Variants in BCAT1 observed in about 807,000 individuals in gnomAD.
BCAT1 encodes branched chain amino acid transaminase 1.
BCAT1 carries 48 observed loss-of-function variants against 52.4 expected under a neutral mutation model. The ratio of observed to expected loss-of-function variants is 0.92; its 90% CI spans 0.73 to 1.16. The LOEUF (loss-of-function observed/expected upper bound fraction) is 1.16. Ranked by LOEUF, BCAT1 falls within the 50% of genes most tolerant of loss-of-function variation. The pLI is 0.00. For synonymous variants in BCAT1, 167 were observed against 161.3 expected (o/e 1.04, Z -0.27); for missense variants, 451 against 457.1 (o/e 0.99, Z 0.12).
intron 1 of BCAT1, chr12:24,903,120 C>T (rs1480765775): frequency 5.3e-6 from 7 of 1,323,210 alleles, no homozygotes; most frequent in African/African-American, 4.6e-5. Context: ...GACCTGGGGC[C>T]GCGCGCCAGG....
intron 1 of BCAT1, among the ~76,000 whole-genome samples, chr12:24,923,699 C>A (rs1371896761): frequency 6.6e-6 from 1 of 152,204 alleles, no homozygotes; most frequent in African/African-American, 2.4e-5. Context: ...CATAAGCCAC[C>A]ATGCCCGGCC....
At chr12:24,915,345 G>A (rs557184633) in intron 1 of BCAT1, among the ~76,000 whole-genome samples, 4 of 151,618 alleles carry the variant, frequency 2.6e-5, no homozygotes, top group African/African-American at 9.7e-5. Flanking sequence ...CAAAGATCAA[G>A]AAAAAAATTA....
chr12:24,891,069 G>A (rs892353012), intron 3 of BCAT1, among the ~76,000 whole-genome samples: 4 of 152,128 alleles, frequency 2.6e-5, no homozygotes, highest in Non-Finnish European at 5.9e-5. Flanking sequence ...AACTCGGTTG[G>A]AGAATTTTTC....
intron 3 of BCAT1, among the ~76,000 whole-genome samples, chr12:24,881,725 T>C (rs1942503940): frequency 1.3e-5 from 2 of 152,138 alleles, no homozygotes; most frequent in Admixed American, 6.5e-5. Context: ...ACATCTAGAA[T>C]CACACAGCAC....
intron 10 of BCAT1, among the ~76,000 whole-genome samples, chr12:24,820,207 A>G (rs1940057963): frequency 6.6e-6 from 1 of 152,220 alleles, no homozygotes; most frequent in Non-Finnish European, 1.5e-5. Context: ...AACCTGCATA[A>G]TATGCACTAA....
At chr12:24,878,730 A>T (rs989312036) in intron 4 of BCAT1, 81 bp from the exon 5 acceptor site, 21 of 1,294,024 alleles carry the variant, frequency 1.6e-5, no homozygotes, top group Non-Finnish European at 1.0e-6. Flanking sequence ...GAAGCATTTA[A>T]ACTGTTAAAA....
At chr12:24,869,973 C>T (rs911171342) in intron 5 of BCAT1, among the ~76,000 whole-genome samples, 1 of 151,540 alleles carries the variant, frequency 6.6e-6, no homozygotes, top group Non-Finnish European at 1.5e-5. Context: ...TGTACAAACA[C>T]ATGTAAGGGT....
At chr12:24,934,548 C>A (rs967157626) in intron 1 of BCAT1, among the ~76,000 whole-genome samples, 1 of 152,032 alleles carries the variant, frequency 6.6e-6, no homozygotes, top group Non-Finnish European at 1.5e-5. Context: ...GAAGAGGGTA[C>A]AAACTTTTCT....
intron 5 of BCAT1, among the ~76,000 whole-genome samples, chr12:24,864,696 G>A (rs1460401384): frequency 6.6e-6 from 1 of 152,074 alleles, no homozygotes; most frequent in African/African-American, 2.4e-5. Context: ...CCCATTCCAG[G>A]GAGGCGTCCA....
intron 5 of BCAT1, among the ~76,000 whole-genome samples, chr12:24,851,682 A>G (rs1941516098): frequency 6.6e-6 from 1 of 152,182 alleles, no homozygotes; most frequent in Admixed American, 6.5e-5. Flanking sequence ...TTTAACAGAG[A>G]CTGAAGATTA....
chr12:24,837,285 G>A (rs1185271421), intron 7 of BCAT1, among the ~76,000 whole-genome samples: 1 of 152,064 alleles, frequency 6.6e-6, no homozygotes, highest in African/African-American at 2.4e-5. Context: ...ATGAAAGGTG[G>A]TTACTAATTA....
intron 2 of BCAT1, among the ~76,000 whole-genome samples, chr12:24,894,895 G>C (rs1942925456): frequency 6.6e-6 from 1 of 152,208 alleles, no homozygotes; most frequent in South Asian, 2.1e-4. Context: ...ATTAAGTACT[G>C]AACTGCTATT....
intron 5 of BCAT1, among the ~76,000 whole-genome samples, chr12:24,863,494 C>T (rs965349075): frequency 1.3e-5 from 2 of 152,222 alleles, no homozygotes; most frequent in African/African-American, 4.8e-5. Context: ...CAAGAATTAT[C>T]ATGCCAGTTA....
chr12:24,823,324 T>A (rs1940227363), intron 10 of BCAT1, among the ~76,000 whole-genome samples: 1 of 152,178 alleles, frequency 6.6e-6, no homozygotes, highest in Non-Finnish European at 1.5e-5. Flanking sequence ...TTCTCACGTC[T>A]CAGTCTCCCA....
chr12:24,944,412 C>G (rs1591897678), intron 1 of BCAT1, among the ~76,000 whole-genome samples: 1 of 152,294 alleles, frequency 6.6e-6, no homozygotes, highest in Middle Eastern at 3.4e-3. Context: ...CACCCTTGGC[C>G]TCATCCCAGG....
chr12:24,820,895 C>T (rs1182869724), intron 10 of BCAT1, among the ~76,000 whole-genome samples: 5 of 152,110 alleles, frequency 3.3e-5, no homozygotes, highest in Admixed American at 6.6e-5. Context: ...AGTCACTCTA[C>T]GCAACGCCAA....
Position 24,811,760 on chromosome 12 carries a change from A to C in BCAT1, c.*6248T>G, listed in dbSNP as rs921582721. On this transcript the variant is annotated 3_prime_UTR_variant, in exon 11 of 11. Coordinates refer to ENST00000261192, the MANE Select transcript of BCAT1 (RefSeq NM_005504.7). ...AATTTCAAGAATCACTACACAGCTA[A>C]GATATCTGAGACTTGCAATGGCTGG... 2 of 152,150 alleles carry C rather than the reference A, an allele frequency of 1.3e-5. No individual in the cohort carries two copies. The highest frequency in any genetic ancestry group is 4.8e-5 in the African/African-American group (2 of 41,460). The allele number at this position is 152,150 out of a possible 1,614,324, so 9.4% of individuals were successfully genotyped here. A position where few individuals can be genotyped will look rare whatever the true frequency, so the allele number is the denominator to read the frequency against.
intron 5 of BCAT1, among the ~76,000 whole-genome samples, chr12:24,869,468 C>A (rs1402210165): frequency 6.6e-6 from 1 of 152,158 alleles, no homozygotes; most frequent in Admixed American, 6.5e-5. Context: ...TTATTCTCAC[C>A]TTTCAAATTG....
rs910597048 is a variant in BCAT1, at chr12:24,815,103, A to T, written c.*2905T>A. 3.9e-5 allele frequency: 6 copies of T among 152,184 alleles called. No homozygotes were observed. The highest frequency in any genetic ancestry group is 7.3e-5 in the Non-Finnish European group (5 of 68,034). The allele number at this position is 152,184 out of a possible 1,614,324, so 9.4% of individuals were successfully genotyped here. A position where few individuals can be genotyped will look rare whatever the true frequency, so the allele number is the denominator to read the frequency against. ...GCCACAAAGAAAATTTCTAACAGCA[A>T]ATCTTTTTAGGAACTGCTCAGGTTT... On this transcript the variant is annotated 3_prime_UTR_variant, in exon 11 of 11. Transcript: ENST00000261192.
Sources: allele counts gnomAD v4.1 joint callset (sites outside exome capture counted in the v4.1 genomes callset), GRCh38; gene constraint gnomAD v4.1.1; transcripts MANE v1.5; gene names NCBI Gene and HGNC (gene_info 2026-07-23, HGNC 2026-07-21).